VOPP1: variants seen among roughly 807,000 people sequenced by gnomAD.
The protein encoded by VOPP1 is VOPP1 WW domain binding protein, also known as WW domain binding protein VOPP1.
VOPP1 carries 8 observed loss-of-function variants against 23.5 expected under a neutral mutation model. The ratio of observed to expected loss-of-function variants is 0.34; its 90% CI spans 0.20 to 0.61. The LOEUF (loss-of-function observed/expected upper bound fraction) is 0.61, where lower values mean the gene tolerates loss of function less well. VOPP1 is among the 20% of genes least tolerant of loss of function. The pLI, the probability that VOPP1 is intolerant of heterozygous loss-of-function variation, is 0.78. For synonymous variants in VOPP1, 83 were observed against 97.3 expected, an observed-to-expected ratio of 0.85 and a Z score of 0.86; for missense variants, 174 against 238.1, an observed-to-expected ratio of 0.73 and a Z score of 1.77.
chr7:55,533,412 TC>T (rs1310841017), intron 1 of VOPP1, among the ~76,000 whole-genome samples: 2 of 151,960 alleles, frequency 1.3e-5, no homozygotes, highest in Admixed American at 1.3e-4. Flanking sequence ...ATATTTCTTC[TC>T]TCATTTAGAT....
intron 1 of VOPP1, among the ~76,000 whole-genome samples, chr7:55,522,053 C>G (rs532028315): frequency 6.6e-6 from 1 of 152,174 alleles, no homozygotes; most frequent in East Asian, 1.9e-4. Context: ...GGCAAAGGGA[C>G]GGCAAACAAA....
intron 1 of VOPP1, among the ~76,000 whole-genome samples, chr7:55,564,175 A>AG (rs969215799): frequency 6.6e-6 from 1 of 151,668 alleles, no homozygotes; most frequent in African/African-American, 2.4e-5. Flanking sequence ...AAAGGGAAGG[A>AG]GGGGGAACTA....
chr7:55,435,421 C>T (rs557939425), downstream of VOPP1, among the ~76,000 whole-genome samples: 1 of 152,248 alleles, frequency 6.6e-6, no homozygotes, highest in East Asian at 1.9e-4. Flanking sequence ...TAGGAAGACC[C>T]CTCCTGTGGT....
chr7:55,562,013 A>G, intron 1 of VOPP1: 1 of 703,528 alleles, frequency 1.4e-6, no homozygotes, highest in Non-Finnish European at 2.6e-6. Flanking sequence ...CTGGATGAAG[A>G]CTTCTGATCC....
At chr7:55,464,000 A>G (rs1319497925) in intron 4 of VOPP1, among the ~76,000 whole-genome samples, 1 of 152,184 alleles carries the variant, frequency 6.6e-6, no homozygotes, top group East Asian at 1.9e-4. Context: ...CCCAATGTAC[A>G]TGGCAACTGG....
rs113332439 is a variant in VOPP1 at position 55,509,865 on chromosome 7, A to G, written c.113+11207T>C. On this transcript the variant is annotated intron_variant, in intron 2 of 4. Transcript: ENST00000285279. ...GATTTATTTGACTCCCTTTACCTCT[A>G]TATCGACTCTTCTGTGAGATGCTTT... is the stretch of plus-strand genomic sequence containing the variant. Among the ~76,000 whole-genome samples the G allele has an allele frequency of 5.4e-3, 821 of 152,206 alleles. 4 individuals carry two copies. Among genetic ancestry groups the G allele is most frequent in the Middle Eastern group, 0.024 (7 of 294 alleles).
intron 4 of VOPP1, among the ~76,000 whole-genome samples, chr7:55,482,316 G>A (rs1449154989): frequency 6.6e-6 from 1 of 150,600 alleles, no homozygotes; most frequent in Non-Finnish European, 1.5e-5. Flanking sequence ...TCCTGCTACT[G>A]CCTTTTGGGG....
At chr7:55,538,772 G>T in intron 1 of VOPP1, 1 of 854,980 alleles carries the variant, frequency 1.2e-6, no homozygotes, top group Non-Finnish European at 1.8e-6. Context: ...GAATGCTGTG[G>T]GTTTGAGCTG....
chr7:55,440,108 C>A (rs776406217), intron 4 of VOPP1, among the ~76,000 whole-genome samples: 1 of 152,236 alleles, frequency 6.6e-6, no homozygotes, highest in Non-Finnish European at 1.5e-5. Context: ...TTTGTGCGTT[C>A]CTTGCCAGGC....
At chr7:55,514,710 G>T (rs2129037148) in intron 2 of VOPP1, among the ~76,000 whole-genome samples, 1 of 152,246 alleles carries the variant, frequency 6.6e-6, no homozygotes, top group African/African-American at 2.4e-5. Flanking sequence ...CCACAGAGAG[G>T]GACACTCATC....
At chr7:55,530,706 G>C (rs993997389) in intron 1 of VOPP1, 2 of 152,128 alleles carry the variant, frequency 1.3e-5, no homozygotes, top group African/African-American at 4.8e-5. Flanking sequence ...ATTTATTGTA[G>C]GCATTATTTT....
intron 1 of VOPP1, among the ~76,000 whole-genome samples, chr7:55,549,480 G>T (rs531560780): frequency 6.6e-6 from 1 of 152,206 alleles, no homozygotes; most frequent in Non-Finnish European, 1.5e-5. Flanking sequence ...CTGCTTCTGC[G>T]ACTGAGACTG....
chr7:55,494,412 G>C (rs941076527), intron 3 of VOPP1, among the ~76,000 whole-genome samples: 7 of 152,180 alleles, frequency 4.6e-5, no homozygotes, highest in African/African-American at 1.7e-4. Flanking sequence ...AGGCACCTGA[G>C]ATCTTAGTCT....
At chr7:55,509,963 A>C (rs1794968723) in intron 2 of VOPP1, among the ~76,000 whole-genome samples, 1 of 152,142 alleles carries the variant, frequency 6.6e-6, no homozygotes, top group South Asian at 2.1e-4. Context: ...CTACAAACAC[A>C]ACCTCCTCCC....
chr7:55,459,019 T>C (rs1441948961), intron 4 of VOPP1, among the ~76,000 whole-genome samples: 1 of 152,194 alleles, frequency 6.6e-6, no homozygotes, highest in Non-Finnish European at 1.5e-5. Context: ...GAATCTGTCA[T>C]ATATGGCCTT....
intron 1 of VOPP1, among the ~76,000 whole-genome samples, chr7:55,521,395 TAA>T (rs1179673171): frequency 1.3e-5 from 2 of 152,158 alleles, no homozygotes; most frequent in Non-Finnish European, 2.9e-5. Context: ...AAAGGTAAAT[TAA>T]AGACAATCCA....
At chr7:55,550,019 T>C (rs908616435) in intron 1 of VOPP1, among the ~76,000 whole-genome samples, 11 of 152,188 alleles carry the variant, frequency 7.2e-5, no homozygotes, top group African/African-American at 2.4e-4. Flanking sequence ...CTCAGCATGA[T>C]AGCCTGAGTG....
rs549177074 is a variant in VOPP1, at chr7:55,458,516, T to A, written n.418-22342A>T. ...AATCAAGTTTACTTTGGGTAAACATTTTAATGATATTAATTCTTCTGATTC... is the reference window on the plus strand; with the variant it reads ...AATCAAGTTTACTTTGGGTAAACATATTAATGATATTAATTCTTCTGATTC... On this transcript the variant is annotated intron_variant and non_coding_transcript_variant, in intron 4 of 4. Transcript: ENST00000462326. Among the ~76,000 whole-genome samples the A allele has an allele frequency of 3.3e-5, 5 of 152,282 alleles. No individual in the cohort carries two copies. The East Asian group carries it at 9.6e-4, about 29-fold the overall frequency.
chr7:55,552,184 C>T (rs1040247519), intron 1 of VOPP1, among the ~76,000 whole-genome samples: 3 of 152,168 alleles, frequency 2.0e-5, no homozygotes, highest in Admixed American at 6.5e-5. Context: ...TATTAACATG[C>T]ACTGCATGGG....
Sources: allele counts gnomAD v4.1 joint callset (sites outside exome capture counted in the v4.1 genomes callset), GRCh38; gene constraint gnomAD v4.1.1; transcripts MANE v1.5; gene names NCBI Gene and HGNC (gene_info 2026-07-23, HGNC 2026-07-21).